RBFOX3: variants seen among roughly 807,000 people sequenced by gnomAD.
The protein encoded by RBFOX3 is RNA binding fox-1 homolog 3.
RBFOX3 carries 17 observed loss-of-function variants against 48.7 expected under a neutral mutation model. That is an observed-to-expected ratio of 0.35 (90% CI 0.24 to 0.52). The LOEUF (loss-of-function observed/expected upper bound fraction) is 0.52, where lower values mean the gene tolerates loss of function less well. RBFOX3 is among the 20% of genes least tolerant of loss of function. The pLI, the probability that RBFOX3 is intolerant of heterozygous loss-of-function variation, is 0.94. For missense variants in RBFOX3, 382 were observed against 497.5 expected, an observed-to-expected ratio of 0.77 and a Z score of 2.21; for synonymous variants, 212 against 209.5, an observed-to-expected ratio of 1.01 and a Z score of -0.10.
intron 2 of RBFOX3, among the ~76,000 whole-genome samples, chr17:79,377,195 A>T (rs745778892): frequency 1.3e-5 from 2 of 151,892 alleles, no homozygotes; most frequent in Non-Finnish European, 2.9e-5. Context: ...CACACAGAGC[A>T]CACGTGTACA....
intron 3 of RBFOX3, among the ~76,000 whole-genome samples, chr17:79,240,881 G>A (rs1391630131): frequency 6.6e-6 from 1 of 152,144 alleles, no homozygotes; most frequent in African/African-American, 2.4e-5. Context: ...AGCCAGGATA[G>A]TCTTGATCTC....
chr17:79,563,220 TGA>T (rs2092319315), intron 1 of RBFOX3, among the ~76,000 whole-genome samples: 1 of 5,668 alleles, frequency 1.8e-4, no homozygotes, highest in African/African-American at 4.1e-4. Context: ...AACGGGTCTT[TGA>T]AAAAAAAAAA....
intron 3 of RBFOX3, among the ~76,000 whole-genome samples, chr17:79,275,971 C>T (rs142450931): frequency 1.1e-4 from 16 of 152,292 alleles, no homozygotes; most frequent in South Asian, 8.3e-4. Context: ...GGAAACAACC[C>T]GAATGTCATC....
At chr17:79,528,566 A>T (rs1479547781) in intron 1 of RBFOX3, among the ~76,000 whole-genome samples, 1 of 152,030 alleles carries the variant, frequency 6.6e-6, no homozygotes, top group African/African-American at 2.4e-5. Flanking sequence ...GGGTCTTTGC[A>T]GATGTAATTA....
intron 1 of RBFOX3, among the ~76,000 whole-genome samples, chr17:79,547,598 A>AAC (rs1162240013): frequency 6.6e-6 from 1 of 152,122 alleles, no homozygotes; most frequent in African/African-American, 2.4e-5. Context: ...CACCCAAACA[A>AAC]ACACACACCC....
intron 2 of RBFOX3, among the ~76,000 whole-genome samples, chr17:79,334,502 C>A (rs897021589): frequency 1.3e-5 from 2 of 152,206 alleles, no homozygotes; most frequent in African/African-American, 4.8e-5. Context: ...ACCACTGTTT[C>A]AAAATCTCCT....
chr17:79,393,268 C>T (rs1384155679), intron 2 of RBFOX3, among the ~76,000 whole-genome samples: 2 of 152,242 alleles, frequency 1.3e-5, no homozygotes, highest in African/African-American at 4.8e-5. Flanking sequence ...GAAAGGGAGG[C>T]TTGGGGCACC....
chr17:79,158,445 A>C (rs1361370260), intron 4 of RBFOX3, among the ~76,000 whole-genome samples: 1 of 152,200 alleles, frequency 6.6e-6, no homozygotes, highest in Non-Finnish European at 1.5e-5. Flanking sequence ...GAGCAGGCTG[A>C]GCAGGGGCAC....
rs574882689 is a variant in RBFOX3, at chr17:79,310,570, A to G, written c.-174-2746T>C. On this transcript the variant is annotated intron_variant, in intron 2 of 14. Transcript: ENST00000693108. ...CTAGGACAGTCAGCAGTGGCTGCCC[A>G]TTTCCCCACTGCTGAGGGTCCTGTC... 2.7e-5 allele frequency among the ~76,000 whole-genome samples: 4 copies of G among 150,822 alleles called. 1 individual carries two copies. The East Asian group carries it at 7.8e-4, about 30-fold the overall frequency.
At chr17:79,438,352 A>C (rs1555732481) in intron 2 of RBFOX3, among the ~76,000 whole-genome samples, 2 of 152,186 alleles carry the variant, frequency 1.3e-5, no homozygotes, top group African/African-American at 4.8e-5. Flanking sequence ...ACATGAAGTA[A>C]AACCCACCCT....
At chr17:79,475,340 A>G (rs1471402602) in intron 2 of RBFOX3, among the ~76,000 whole-genome samples, 1 of 152,120 alleles carries the variant, frequency 6.6e-6, no homozygotes, top group East Asian at 1.9e-4. Flanking sequence ...TCTTAAAATC[A>G]GCCAAGGGAT....
rs370922913 is a variant in RBFOX3, at chr17:79,340,171, C to T, written c.-174-32347G>A. On this transcript the variant is annotated intron_variant, in intron 2 of 14. Transcript: ENST00000693108. ...AAAATTAGCCAGGTGTGGTGGTGCA[C>T]GCCTGTAATCCCAGCTACTTGGGAG... 1.4e-3 allele frequency among the ~76,000 whole-genome samples: 207 copies of T among 151,996 alleles called. 2 individuals are homozygous for T. The highest frequency in any genetic ancestry group is 4.7e-3 in the African/African-American group (193 of 41,440).
chr17:79,123,030 A>G (rs1238642310), intron 4 of RBFOX3, among the ~76,000 whole-genome samples: 2 of 150,900 alleles, frequency 1.3e-5, no homozygotes, highest in African/African-American at 4.9e-5. Flanking sequence ...GGACACAGAG[A>G]GCAGAAGGAT....
At chr17:79,093,140 TG>T (rs200715074) in intron 14 of RBFOX3, among the ~76,000 whole-genome samples, 2 of 152,034 alleles carry the variant, frequency 1.3e-5, no homozygotes, top group Non-Finnish European at 1.5e-5. Context: ...CCTTGCTCTC[TG>T]GGGGGGTCTC....
intron 2 of RBFOX3, among the ~76,000 whole-genome samples, chr17:79,414,195 G>A (rs2064937851): frequency 1.3e-5 from 2 of 152,078 alleles, no homozygotes; most frequent in African/African-American, 4.8e-5. Flanking sequence ...GGGACTTGCG[G>A]CAGCATTTTC....
At chr17:79,555,816 GATGATGATAGTA>G (rs2091706272) in intron 1 of RBFOX3, among the ~76,000 whole-genome samples, 1 of 3,802 alleles carries the variant, frequency 2.6e-4, no homozygotes, top group African/African-American at 3.1e-4. Context: ...TGATGGTGAC[GATGATGATAGTA>G]ATGATGGTGG....
chr17:79,496,152 C>T (rs2081504343), intron 1 of RBFOX3, among the ~76,000 whole-genome samples: 1 of 152,108 alleles, frequency 6.6e-6, no homozygotes, highest in Admixed American at 6.5e-5. Context: ...GGCTGGAGGC[C>T]AGGGCTACTG....
At chr17:79,414,109 C>T (rs893134774) in intron 2 of RBFOX3, among the ~76,000 whole-genome samples, 4 of 152,244 alleles carry the variant, frequency 2.6e-5, no homozygotes, top group African/African-American at 9.6e-5. Context: ...ATCCACAAAG[C>T]CCCCAGAAGA....
At chr17:79,290,248 A>T (rs993288502) in intron 3 of RBFOX3, among the ~76,000 whole-genome samples, 1 of 152,054 alleles carries the variant, frequency 6.6e-6, no homozygotes, top group Non-Finnish European at 1.5e-5. Context: ...GCCCATGAAG[A>T]TGGCAAAGGA....
Sources: allele counts gnomAD v4.1 joint callset (sites outside exome capture counted in the v4.1 genomes callset), GRCh38; gene constraint gnomAD v4.1.1; transcripts MANE v1.5; gene names NCBI Gene and HGNC (gene_info 2026-07-23, HGNC 2026-07-21).